The following NELL2 variants were observed in gnomAD, a reference collection of about 807,000 sequenced individuals.
NELL2 encodes the protein protein kinase C-binding protein NELL2.
In NELL2, 41 loss-of-function variants were observed where a neutral mutation model predicts 109.6. The observed-to-expected ratio is 0.37, with a 90% CI of 0.29 to 0.49. The LOEUF (loss-of-function observed/expected upper bound fraction) is 0.49, where lower values mean the gene tolerates loss of function less well. Among genes scored for constraint, NELL2 ranks in the 20% least tolerant of loss-of-function variants. The probability of loss-of-function intolerance (pLI) is 0.98; values close to 1 mark genes in which losing one functional copy is unlikely to be tolerated. For synonymous variants in NELL2, 355 were observed against 344.7 expected (o/e 1.03, Z -0.33); for missense variants, 900 against 1,008.3 (o/e 0.89, Z 1.45).
At chr12:44,531,539 G>A (rs191822756) in intron 16 of NELL2, among the ~76,000 whole-genome samples, 1 of 152,074 alleles carries the variant, frequency 6.6e-6, no homozygotes, top group East Asian at 1.9e-4. Context: ...TTCCTAGGTG[G>A]AAATCCTGAT....
At chr12:44,858,255 G>A (rs1422549634) in intron 2 of NELL2, among the ~76,000 whole-genome samples, 3 of 152,138 alleles carry the variant, frequency 2.0e-5, no homozygotes, top group African/African-American at 2.4e-5. Context: ...CTCCCAGGCC[G>A]TGCTCCTAAA....
intron 1 of NELL2, among the ~76,000 whole-genome samples, chr12:44,882,834 C>CTTTTTT (rs35577007): frequency 4.1e-5 from 3 of 73,274 alleles, no homozygotes; most frequent in Non-Finnish European, 7.2e-5. Context: ...GGCTATATAC[C>CTTTTTT]TTTTTTTTTT....
intron 9 of NELL2, among the ~76,000 whole-genome samples, chr12:44,731,225 T>C (rs943812269): frequency 6.6e-6 from 1 of 152,060 alleles, no homozygotes; most frequent in African/African-American, 2.4e-5. Flanking sequence ...TGAAGAAAAT[T>C]GAACACTTCC....
chr12:44,660,003 T>C (rs1318494729), intron 13 of NELL2, among the ~76,000 whole-genome samples: 1 of 152,196 alleles, frequency 6.6e-6, no homozygotes, highest in East Asian at 1.9e-4. Flanking sequence ...CCTGTAATTT[T>C]ATCTTCGGAG....
Position 44,667,610 on chromosome 12 carries a change from G to A in NELL2, c.1319-2001C>T, listed in dbSNP as rs547236052. On this transcript the variant is annotated intron_variant, in intron 12 of 19. Transcript: ENST00000429094. ...TGAGGATTCAAGATGTTTACTAGAGGAGCCTGGTACTCATCTCCTCGACAG... is the reference window on the plus strand; with the variant it reads ...TGAGGATTCAAGATGTTTACTAGAGAAGCCTGGTACTCATCTCCTCGACAG... Among the ~76,000 whole-genome samples, 7 of 152,296 alleles carry A rather than the reference G, an allele frequency of 4.6e-5. No homozygotes were observed. The East Asian group carries it at 1.4e-3, about 29-fold the overall frequency.
At chr12:44,812,119 A>G (rs1862060182) in intron 3 of NELL2, among the ~76,000 whole-genome samples, 1 of 152,226 alleles carries the variant, frequency 6.6e-6, no homozygotes, top group Non-Finnish European at 1.5e-5. Context: ...TGACTGAGTT[A>G]CATTGAGAAA....
intron 2 of NELL2, among the ~76,000 whole-genome samples, chr12:44,849,994 C>A (rs1157822997): frequency 6.6e-6 from 1 of 152,028 alleles, no homozygotes; most frequent in Non-Finnish European, 1.5e-5. Context: ...GAACTGACTA[C>A]AAAGGGGCAC....
chr12:44,684,998 G>T (rs931422128), intron 12 of NELL2, among the ~76,000 whole-genome samples: 3 of 152,004 alleles, frequency 2.0e-5, no homozygotes, highest in Non-Finnish European at 4.4e-5. Flanking sequence ...TCGTTGATCT[G>T]TCTAATGTTG....
In NELL2 at chr12:44,621,524, A is replaced by G. The variant is rs1946059640; in HGVS notation, c.1445-10554T>C. On this transcript the variant is annotated intron_variant, in intron 13 of 19. Transcript: ENST00000429094. Reference sequence around the variant, plus strand: ...TCTGCAGGATCTGGGGCCATACTCAATAATTAAGTATTTCGGCAGCAAAAA... The same window carrying G: ...TCTGCAGGATCTGGGGCCATACTCAGTAATTAAGTATTTCGGCAGCAAAAA... Among the ~76,000 whole-genome samples, 2 of 152,140 alleles carry G rather than the reference A, an allele frequency of 1.3e-5. 1 individual carries two copies.
chr12:44,681,357 TTTG>T (rs201210153), intron 12 of NELL2, among the ~76,000 whole-genome samples: 9,356 of 150,042 alleles, frequency 0.062, 389 homozygotes, highest in Non-Finnish European at 0.09. Flanking sequence ...TAAAAGCTTT[TTTG>T]TTGTTGTTGT....
At chr12:44,854,246 T>C (rs1944610766) in intron 2 of NELL2, among the ~76,000 whole-genome samples, 4 of 152,116 alleles carry the variant, frequency 2.6e-5, no homozygotes, top group Admixed American at 1.3e-4. Flanking sequence ...GCAAAATAGA[T>C]TAAGCCCTAA....
chr12:44,647,366 A>G (rs1486228776), intron 13 of NELL2, among the ~76,000 whole-genome samples: 1 of 152,222 alleles, frequency 6.6e-6, no homozygotes, highest in Non-Finnish European at 1.5e-5. Flanking sequence ...TCCTCCACTT[A>G]GAAAATCTGA....
At chr12:44,696,442 T>A (rs1464632480) in intron 12 of NELL2, among the ~76,000 whole-genome samples, 2 of 152,186 alleles carry the variant, frequency 1.3e-5, no homozygotes, top group Non-Finnish European at 2.9e-5. Context: ...AAAATGAGTG[T>A]TCTGTAAAAG....
At position 44,659,124 on chromosome 12, in the gene NELL2, GTT is replaced by G. The variant is rs1286914279; in HGVS notation, c.1444+6358_1444+6359del. ...GAAAGAATTCCCTATTTAATAAATG[GTT>G]TTGGGAAAACTGGCTAGCCATATGC... On this transcript the variant is annotated intron_variant, in intron 13 of 19. Coordinates refer to ENST00000429094, the MANE Select transcript of NELL2 (RefSeq NM_001145108.2). 2.0e-5 allele frequency among the ~76,000 whole-genome samples: 3 copies of G among 152,088 alleles called. No homozygotes were observed. The East Asian group carries it at 5.8e-4, about 29-fold the overall frequency.
chr12:44,630,034 T>C (rs1478599460), intron 13 of NELL2, among the ~76,000 whole-genome samples: 4 of 152,216 alleles, frequency 2.6e-5, no homozygotes, highest in Non-Finnish European at 1.5e-5. Flanking sequence ...AGGTGTTTCA[T>C]TATCCATGCA....
At chr12:44,620,817 T>C (rs1241452016) in intron 13 of NELL2, among the ~76,000 whole-genome samples, 1 of 152,168 alleles carries the variant, frequency 6.6e-6, no homozygotes, top group African/African-American at 2.4e-5. Context: ...TAGCTCTTGT[T>C]TGGATTAGTG....
rs541771692 is a variant in NELL2, at chr12:44,886,899, G to A, written c.39-10999C>T. Among the ~76,000 whole-genome samples, 12 of 151,832 alleles carry A rather than the reference G, an allele frequency of 7.9e-5. No homozygotes were observed. In the South Asian group the frequency reaches 1.2e-3, roughly 16 times the overall value. Reference sequence around the variant, plus strand: ...ATTTTTTTTTAGCTCCCATATATGAGTGACAACATGCGATATTAATCTTTT... The same window carrying A: ...ATTTTTTTTTAGCTCCCATATATGAATGACAACATGCGATATTAATCTTTT... On this transcript the variant is annotated intron_variant, in intron 1 of 20. Transcript: ENST00000333837.
At chr12:44,774,701 G>T in intron 9 of NELL2, 46 bp downstream of exon 9, 2 of 1,452,056 alleles carry the variant, frequency 1.4e-6, no homozygotes, top group Non-Finnish European at 1.9e-6. Context: ...TTAATACAGT[G>T]CTTTATTTTT....
intron 9 of NELL2, among the ~76,000 whole-genome samples, chr12:44,751,299 C>T (rs770531255): frequency 1.3e-5 from 2 of 151,988 alleles, no homozygotes; most frequent in Admixed American, 6.6e-5. Context: ...TTGGTTTTTC[C>T]GTTAAATGAT....
Sources: allele counts gnomAD v4.1 joint callset (sites outside exome capture counted in the v4.1 genomes callset), GRCh38; gene constraint gnomAD v4.1.1; transcripts MANE v1.5; gene names NCBI Gene and HGNC (gene_info 2026-07-23, HGNC 2026-07-21).